Variants in GPC6 observed in about 807,000 individuals in gnomAD.
The protein encoded by GPC6 is glypican-6.
In GPC6, 14 loss-of-function variants were observed where a neutral mutation model predicts 55.2. That is an observed-to-expected ratio of 0.25 (90% CI 0.17 to 0.40). The LOEUF is 0.40. Among genes scored for constraint, GPC6 ranks in the 10% least tolerant of loss-of-function variants. The pLI is 1.00. For missense variants in GPC6, 641 were observed against 708.5 expected (o/e 0.90, Z 1.08); for synonymous variants, 278 against 259.6 (o/e 1.07, Z -0.68).
chr13:93,559,241 A>C (rs777250030), intron 2 of GPC6, among the ~76,000 whole-genome samples: 4 of 152,182 alleles, frequency 2.6e-5, no homozygotes, highest in Non-Finnish European at 4.4e-5. Context: ...TTGTCTTTCT[A>C]AAATTTTCTC....
At chr13:93,869,037 T>C (rs1472743125) in intron 3 of GPC6, among the ~76,000 whole-genome samples, 1 of 151,808 alleles carries the variant, frequency 6.6e-6, no homozygotes, top group Non-Finnish European at 1.5e-5. Context: ...ACAAGACCTT[T>C]AACAATTCAG....
intron 2 of GPC6, among the ~76,000 whole-genome samples, chr13:93,826,612 A>C (rs1887264214): frequency 6.6e-6 from 1 of 152,228 alleles, no homozygotes; most frequent in Non-Finnish European, 1.5e-5. Flanking sequence ...TAGTGTTAAC[A>C]AGACATTTCT....
At chr13:93,692,613 T>C (rs1882298150) in intron 2 of GPC6, among the ~76,000 whole-genome samples, 1 of 152,208 alleles carries the variant, frequency 6.6e-6, no homozygotes, top group Non-Finnish European at 1.5e-5. Flanking sequence ...ATAGAAATTT[T>C]CCTTCTACCA....
chr13:93,371,263 T>C (rs1874637897), intron 1 of GPC6, among the ~76,000 whole-genome samples: 1 of 152,064 alleles, frequency 6.6e-6, no homozygotes, highest in African/African-American at 2.4e-5. Context: ...AGCCTTCCGG[T>C]AGGCATCATA....
intron 2 of GPC6, among the ~76,000 whole-genome samples, chr13:93,744,528 C>CTTTTTT (rs71736430): frequency 0.071 from 6,858 of 96,660 alleles, 1,181 homozygotes; most frequent in Non-Finnish European, 0.094. Context: ...TTTCCCTAGT[C>CTTTTTT]TTTTTTTTTT....
chr13:93,228,287 G>A (rs1032150114), intron 1 of GPC6, among the ~76,000 whole-genome samples: 2 of 152,158 alleles, frequency 1.3e-5, no homozygotes, highest in African/African-American at 4.8e-5. Context: ...TTCCCGTTAG[G>A]GTTCCTCAGT....
chr13:94,210,998 G>C (rs540501009), intron 4 of GPC6, among the ~76,000 whole-genome samples: 1 of 152,170 alleles, frequency 6.6e-6, no homozygotes, highest in African/African-American at 2.4e-5. Context: ...ACTTTCGTCT[G>C]TGTGGGAGTG....
intron 4 of GPC6, among the ~76,000 whole-genome samples, chr13:94,066,540 T>G (rs1342553862): frequency 6.6e-6 from 1 of 152,190 alleles, no homozygotes; most frequent in Non-Finnish European, 1.5e-5. Flanking sequence ...CATTTAGCAT[T>G]CAACTGCTAA....
intron 1 of GPC6, among the ~76,000 whole-genome samples, chr13:93,383,462 C>T (rs1351438609): frequency 6.6e-6 from 1 of 152,180 alleles, no homozygotes; most frequent in Admixed American, 6.5e-5. Flanking sequence ...AGCAATCCTC[C>T]GGCCTTGCCC....
chr13:93,488,005 A>C (rs1358306729), intron 1 of GPC6, among the ~76,000 whole-genome samples: 1 of 152,222 alleles, frequency 6.6e-6, no homozygotes, highest in African/African-American at 2.4e-5. Context: ...GTTCTAGGGT[A>C]CATGTGCACA....
At chr13:93,710,334 G>T (rs1252234431) in intron 2 of GPC6, among the ~76,000 whole-genome samples, 2 of 151,770 alleles carry the variant, frequency 1.3e-5, no homozygotes, top group Non-Finnish European at 2.9e-5. Flanking sequence ...ACCTCAGGTG[G>T]ACTTTAAATG....
chr13:93,948,744 C>A (rs1380255250), intron 3 of GPC6, among the ~76,000 whole-genome samples: 3 of 152,124 alleles, frequency 2.0e-5, no homozygotes, highest in Non-Finnish European at 4.4e-5. Context: ...CTCAGATAAA[C>A]ACTAAAATTA....
intron 7 of GPC6, among the ~76,000 whole-genome samples, chr13:94,386,622 A>T (rs1374004980): frequency 6.6e-6 from 1 of 152,104 alleles, no homozygotes; most frequent in Non-Finnish European, 1.5e-5. Flanking sequence ...AGAAGAAATA[A>T]TTTTTTTAAA....
At chr13:94,082,999 G>A (rs1253157127) in intron 4 of GPC6, among the ~76,000 whole-genome samples, 4 of 152,180 alleles carry the variant, frequency 2.6e-5, no homozygotes, top group African/African-American at 7.2e-5. Flanking sequence ...ATCTGTTCAC[G>A]AATTGACTCA....
At chr13:93,587,085 C>T (rs1349534932) in intron 2 of GPC6, among the ~76,000 whole-genome samples, 1 of 152,116 alleles carries the variant, frequency 6.6e-6, no homozygotes, top group Non-Finnish European at 1.5e-5. Context: ...AAATTGCTTG[C>T]ACTGCAACTT....
At chr13:93,388,738 A>G (rs1875501598) in intron 1 of GPC6, among the ~76,000 whole-genome samples, 1 of 152,146 alleles carries the variant, frequency 6.6e-6, no homozygotes, top group South Asian at 2.1e-4. Context: ...TGCTCTTATC[A>G]AAACCTGATA....
chr13:93,870,097 C>T (rs1889084527), intron 3 of GPC6, among the ~76,000 whole-genome samples: 1 of 151,904 alleles, frequency 6.6e-6, no homozygotes, highest in Admixed American at 6.6e-5. Context: ...AGTGAAGCAC[C>T]CTGACTTTCT....
intron 2 of GPC6, among the ~76,000 whole-genome samples, chr13:93,810,678 A>G (rs975049922): frequency 1.3e-5 from 2 of 152,224 alleles, no homozygotes; most frequent in African/African-American, 4.8e-5. Flanking sequence ...AAGAAATTCA[A>G]AATTAATGCC....
chr13:93,499,382 A>C (rs1880439714), intron 1 of GPC6, among the ~76,000 whole-genome samples: 1 of 152,222 alleles, frequency 6.6e-6, no homozygotes, highest in Non-Finnish European at 1.5e-5. Context: ...ACATTTAGAC[A>C]CTTGAACATT....
Sources: allele counts gnomAD v4.1 joint callset (sites outside exome capture counted in the v4.1 genomes callset), GRCh38; gene constraint gnomAD v4.1.1; transcripts MANE v1.5; gene names NCBI Gene and HGNC (gene_info 2026-07-23, HGNC 2026-07-21).